Variants in ST18 observed in about 807,000 individuals in gnomAD.
ST18 encodes ST18 C2H2C-type zinc finger transcription factor, also known as suppression of tumorigenicity 18 protein.
ST18 carries 50 observed loss-of-function variants against 110.0 expected under a neutral mutation model. The ratio of observed to expected loss-of-function variants is 0.45; its 90% CI spans 0.36 to 0.58. ST18 has a LOEUF of 0.58. Among genes scored for constraint, ST18 ranks in the 20% least tolerant of loss-of-function variants. The probability of loss-of-function intolerance (pLI) is 0.00; values close to 1 mark genes in which losing one functional copy is unlikely to be tolerated. For synonymous variants in ST18, 461 were observed against 452.4 expected, an observed-to-expected ratio of 1.02 and a Z score of -0.24; for missense variants, 1,306 against 1,280.1, an observed-to-expected ratio of 1.02 and a Z score of -0.31.
chr8:52,402,296 G>C (rs907568306), intron 2 of ST18, among the ~76,000 whole-genome samples: 5 of 152,202 alleles, frequency 3.3e-5, no homozygotes, highest in Non-Finnish European at 7.3e-5. Flanking sequence ...TGGAATGGCT[G>C]TAGAACTGGG....
intron 2 of ST18, among the ~76,000 whole-genome samples, chr8:52,255,944 G>T (rs1473212399): frequency 1.3e-5 from 2 of 152,126 alleles, no homozygotes. Flanking sequence ...TTGGTTTTTT[G>T]AGAGGCACCT....
At chr8:52,119,819 G>C (rs1233554528) in intron 23 of ST18, among the ~76,000 whole-genome samples, 2 of 152,166 alleles carry the variant, frequency 1.3e-5, no homozygotes, top group East Asian at 3.8e-4. Flanking sequence ...GGTACTTACT[G>C]CTTTATTAAA....
intron 2 of ST18, among the ~76,000 whole-genome samples, chr8:52,285,456 G>T (rs1037027843): frequency 6.6e-6 from 1 of 152,098 alleles, no homozygotes. Flanking sequence ...TATCTGCTTT[G>T]TCATTTGTGC....
intron 8 of ST18, among the ~76,000 whole-genome samples, chr8:52,205,042 C>A (rs1028492439): frequency 3.9e-5 from 6 of 151,952 alleles, no homozygotes; most frequent in African/African-American, 1.5e-4. Flanking sequence ...AGACCTTAGA[C>A]AAGCTGGAGA....
At chr8:52,203,217 A>C (rs542670945) in intron 8 of ST18, among the ~76,000 whole-genome samples, 6 of 152,356 alleles carry the variant, frequency 3.9e-5, no homozygotes, top group Admixed American at 1.3e-4. Flanking sequence ...ACCAGGGCTC[A>C]AAGTGCTATA....
At chr8:52,308,473 T>A (rs944866203) in intron 2 of ST18, among the ~76,000 whole-genome samples, 5 of 152,166 alleles carry the variant, frequency 3.3e-5, no homozygotes, top group African/African-American at 1.2e-4. Context: ...CAGCCAGAAA[T>A]AAGCAGAGCC....
intron 4 of ST18, 114 bp from the exon 5 acceptor site, chr8:52,220,962 TTTGA>T (rs1564146057): frequency 6.6e-6 from 1 of 152,228 alleles, no homozygotes; most frequent in African/African-American, 2.4e-5. Flanking sequence ...TTATCTATAG[TTTGA>T]TTGTACTACA....
chr8:52,189,092 A>G (rs2073510916), intron 8 of ST18, among the ~76,000 whole-genome samples: 1 of 152,118 alleles, frequency 6.6e-6, no homozygotes, highest in Admixed American at 6.6e-5. Context: ...CCTGCATCAC[A>G]CTGGAGATGA....
intron 2 of ST18, among the ~76,000 whole-genome samples, chr8:52,299,663 C>T (rs1488786877): frequency 6.6e-6 from 1 of 152,174 alleles, no homozygotes; most frequent in Non-Finnish European, 1.5e-5. Flanking sequence ...TGTTTTGGAG[C>T]CAGTTTTTGT....
At chr8:52,189,211 C>T (rs903921027) in intron 8 of ST18, among the ~76,000 whole-genome samples, 1 of 152,134 alleles carries the variant, frequency 6.6e-6, no homozygotes, top group Non-Finnish European at 1.5e-5. Context: ...CCAAAAGGAG[C>T]TGCAGGATCT....
intron 8 of ST18, among the ~76,000 whole-genome samples, chr8:52,204,804 T>G (rs2079343394): frequency 6.6e-6 from 1 of 152,212 alleles, no homozygotes; most frequent in Admixed American, 6.5e-5. Flanking sequence ...TTAGAAGATG[T>G]CTGATTTTTA....
At chr8:52,121,673 G>C (rs1486627105) in intron 23 of ST18, among the ~76,000 whole-genome samples, 1 of 152,102 alleles carries the variant, frequency 6.6e-6, no homozygotes, top group Non-Finnish European at 1.5e-5. Flanking sequence ...TCTGGTTCCA[G>C]AATATGTTCT....
intron 8 of ST18, among the ~76,000 whole-genome samples, chr8:52,201,887 C>T (rs752110358): frequency 6.6e-6 from 1 of 152,200 alleles, no homozygotes; most frequent in Non-Finnish European, 1.5e-5. Flanking sequence ...AAGTGAGACA[C>T]TGGCAGAATT....
intron 2 of ST18, among the ~76,000 whole-genome samples, chr8:52,367,234 TCTCACA>T (rs1397107550): frequency 2.9e-5 from 3 of 104,528 alleles, no homozygotes; most frequent in Non-Finnish European, 5.8e-5. Context: ...CGGGACCCTG[TCTCACA>T]CACACACACA....
intron 2 of ST18, among the ~76,000 whole-genome samples, chr8:52,275,667 C>A (rs1589525004): frequency 6.6e-6 from 1 of 152,046 alleles, no homozygotes; most frequent in Non-Finnish European, 1.5e-5. Context: ...TAGAATAAAT[C>A]ATTTAATATT....
intron 2 of ST18, among the ~76,000 whole-genome samples, chr8:52,332,797 G>A (rs981597439): frequency 7.9e-5 from 12 of 152,124 alleles, no homozygotes; most frequent in African/African-American, 2.9e-4. Context: ...GTTGCAGTGA[G>A]CCGAGATTGT....
intron 2 of ST18, among the ~76,000 whole-genome samples, chr8:52,357,715 AT>A (rs1564568656): frequency 1.5e-4 from 11 of 72,932 alleles, no homozygotes; most frequent in African/African-American, 4.3e-4. Flanking sequence ...ATATATATAT[AT>A]ATATATATAT....
intron 8 of ST18, among the ~76,000 whole-genome samples, chr8:52,198,884 T>G (rs1429917481): frequency 6.6e-6 from 1 of 152,146 alleles, no homozygotes; most frequent in Non-Finnish European, 1.5e-5. Context: ...TTCCTCCACA[T>G]GCAACACCAG....
chr8:52,353,123 A>T (rs935365448), intron 2 of ST18, among the ~76,000 whole-genome samples: 1 of 152,364 alleles, frequency 6.6e-6, no homozygotes, highest in East Asian at 1.9e-4. Flanking sequence ...TAAGATGTGG[A>T]TATAAATGAC....
Sources: gnomAD v4.1 joint callset for allele counts (sites outside exome capture counted in the v4.1 genomes callset) on GRCh38, gnomAD v4.1.1 for gene constraint, MANE v1.5 for transcripts, NCBI Gene and HGNC (gene_info 2026-07-23, HGNC 2026-07-21) for gene names.